The following PAX7 variants were observed in gnomAD, a reference collection of about 807,000 sequenced individuals.
The protein encoded by PAX7 is paired box 7, also known as paired box protein Pax-7.
PAX7 carries 18 observed loss-of-function variants against 50.7 expected under a neutral mutation model. That is an observed-to-expected ratio of 0.36 (90% confidence interval 0.25 to 0.53). The LOEUF is 0.53. Among genes scored for constraint, PAX7 ranks in the 20% least tolerant of loss-of-function variants. The pLI, the probability that PAX7 is intolerant of heterozygous loss-of-function variation, is 0.93. For synonymous variants in PAX7, 310 were observed against 290.4 expected, an observed-to-expected ratio of 1.07 and a Z score of -0.69; for missense variants, 644 against 702.9, an observed-to-expected ratio of 0.92 and a Z score of 0.95.
chr1:18,683,395 C>T (rs547393739), intron 4 of PAX7, among the ~76,000 whole-genome samples: 27 of 149,036 alleles, frequency 1.8e-4, no homozygotes, highest in Admixed American at 8.6e-4. Context: ...CTTTATGTGC[C>T]GTAAGATACC....
chr1:18,729,448 G>A (rs944188034), intron 7 of PAX7, among the ~76,000 whole-genome samples: 2 of 152,336 alleles, frequency 1.3e-5, no homozygotes, highest in Non-Finnish European at 2.9e-5. Context: ...CAAGTTTCAT[G>A]TGCATATTTG....
intron 5 of PAX7, among the ~76,000 whole-genome samples, chr1:18,699,904 T>C (rs1201609765): frequency 1.3e-5 from 2 of 152,160 alleles, no homozygotes; most frequent in Non-Finnish European, 2.9e-5. Context: ...ACAGACTAGC[T>C]GTGTGGACTT....
chr1:18,659,678 G>A (rs1412223525), intron 4 of PAX7, among the ~76,000 whole-genome samples: 1 of 152,114 alleles, frequency 6.6e-6, no homozygotes, highest in East Asian at 1.9e-4. Flanking sequence ...CTGAGAGGTG[G>A]GAACCCTGCC....
intron 4 of PAX7, among the ~76,000 whole-genome samples, chr1:18,657,031 T>C (rs1430904048): frequency 6.6e-6 from 1 of 151,992 alleles, no homozygotes; most frequent in Admixed American, 6.6e-5. Context: ...TGTCAAGAAG[T>C]GAGTTAACAC....
At chr1:18,673,903 A>G (rs2088788543) in intron 4 of PAX7, among the ~76,000 whole-genome samples, 1 of 152,236 alleles carries the variant, frequency 6.6e-6, no homozygotes, top group Admixed American at 6.5e-5. Flanking sequence ...GTGTTGGTTT[A>G]GAGTGTCAGT....
At chr1:18,713,204 T>G (rs779583299) in intron 7 of PAX7, among the ~76,000 whole-genome samples, 2 of 151,938 alleles carry the variant, frequency 1.3e-5, no homozygotes, top group Non-Finnish European at 2.9e-5. Flanking sequence ...TTTACACAGA[T>G]GGAGTAGAGG....
chr1:18,744,689 A>AATGGATGG (rs71027398), intron 8 of PAX7, 125 bp from the exon 9 acceptor site: 5,595 of 413,532 alleles, frequency 0.014, 61 homozygotes, highest in Non-Finnish European at 0.014. Context: ...TGGATGGATA[A>AATGGATGG]ATGGATGGAT....
chr1:18,703,260 C>T lies in PAX7; in HGVS notation c.1119C>T (p.Asn373=). Residue 373 remains asparagine (N), a synonymous_variant, in exon 7 of 9, where the codon AAC becomes AAT. Transcript: ENST00000420770. ...TCATGAATCCGGCGGCGCCCTCCAA[C>T]CACATGAACCCGGTCAGCAACGGCC... is the stretch of plus-strand genomic sequence containing the variant. ...DSFMNPAAPS[N]HMNPVSNGLS... The T allele has an allele frequency of 6.2e-7, 1 of 1,614,192 alleles. No homozygotes were observed. Among genetic ancestry groups the T allele is most frequent in the Non-Finnish European group, 8.5e-7 (1 of 1,180,006 alleles).
chr1:18,724,802 GA>G (rs2089537816), intron 7 of PAX7, among the ~76,000 whole-genome samples: 1 of 152,154 alleles, frequency 6.6e-6, no homozygotes, highest in Admixed American at 6.5e-5. Context: ...ATATTTCATT[GA>G]ATCTAAGACA....
At chr1:18,660,168 C>T (rs1260472474) in intron 4 of PAX7, among the ~76,000 whole-genome samples, 1 of 152,060 alleles carries the variant, frequency 6.6e-6, no homozygotes, top group Non-Finnish European at 1.5e-5. Flanking sequence ...ATGGGCCTCC[C>T]ATTTGGAGCT....
intron 4 of PAX7, among the ~76,000 whole-genome samples, chr1:18,664,619 G>T (rs894681011): frequency 2.0e-5 from 3 of 152,096 alleles, no homozygotes; most frequent in Non-Finnish European, 4.4e-5. Context: ...TGGGGAAATC[G>T]AGAGGCTCAG....
At chr1:18,673,378 T>A (rs1184793253) in intron 4 of PAX7, among the ~76,000 whole-genome samples, 1 of 152,160 alleles carries the variant, frequency 6.6e-6, no homozygotes, top group East Asian at 1.9e-4. Context: ...CACGGTCAGC[T>A]CCTTAAGTGA....
At chr1:18,731,193 A>G (rs2089641973) in intron 7 of PAX7, among the ~76,000 whole-genome samples, 1 of 152,158 alleles carries the variant, frequency 6.6e-6, no homozygotes, top group Non-Finnish European at 1.5e-5. Context: ...CTCAAGTTGA[A>G]AAGTTTGCAG....
At chr1:18,701,753 C>T (rs2089224749) in intron 6 of PAX7, among the ~76,000 whole-genome samples, 1 of 152,168 alleles carries the variant, frequency 6.6e-6, no homozygotes, top group Admixed American at 6.5e-5. Flanking sequence ...CCCTCAGGTC[C>T]TCCTGGGAAG....
intron 7 of PAX7, among the ~76,000 whole-genome samples, chr1:18,724,092 G>A (rs566724240): frequency 2.6e-5 from 4 of 152,308 alleles, no homozygotes; most frequent in South Asian, 2.1e-4. Context: ...TCGGTGGGCC[G>A]GCCGGGAACC....
chr1:18,665,578 T>C (rs2088656299), intron 4 of PAX7, among the ~76,000 whole-genome samples: 2 of 151,988 alleles, frequency 1.3e-5, no homozygotes, highest in South Asian at 4.1e-4. Context: ...GCTTACCATG[T>C]TGGCCAGGAT....
chr1:18,687,901 A>AG (rs2089000422), intron 4 of PAX7, among the ~76,000 whole-genome samples: 1 of 152,206 alleles, frequency 6.6e-6, no homozygotes, highest in East Asian at 1.9e-4. Flanking sequence ...AAGGAGTGGG[A>AG]GGGACAAGGA....
intron 4 of PAX7, among the ~76,000 whole-genome samples, chr1:18,662,376 G>T (rs917204058): frequency 1.3e-5 from 2 of 152,176 alleles, no homozygotes; most frequent in Non-Finnish European, 2.9e-5. Flanking sequence ...CGACCTTTCT[G>T]CAGTCCTGGA....
chr1:18,740,418 T>C (rs1462758820), intron 8 of PAX7, among the ~76,000 whole-genome samples: 1 of 152,156 alleles, frequency 6.6e-6, no homozygotes, highest in Non-Finnish European at 1.5e-5. Flanking sequence ...GCAGGACCAA[T>C]GCAGACTCCT....
Sources: allele counts gnomAD v4.1 joint callset (sites outside exome capture counted in the v4.1 genomes callset), GRCh38; gene constraint gnomAD v4.1.1; transcripts MANE v1.5; gene names NCBI Gene and HGNC (gene_info 2026-07-23, HGNC 2026-07-21).